Variants in RUNX1T1 observed in about 807,000 individuals in gnomAD.
RUNX1T1 encodes RUNX1 partner transcriptional co-repressor 1, also known as protein CBFA2T1.
In RUNX1T1, 4 loss-of-function variants were observed where a neutral mutation model predicts 62.8. That is an observed-to-expected ratio of 0.06 (90% confidence interval 0.03 to 0.15). RUNX1T1 has a LOEUF of 0.15. Among genes scored for constraint, RUNX1T1 ranks in the 10% least tolerant of loss-of-function variants. The probability of loss-of-function intolerance (pLI) is 1.00; values close to 1 mark genes in which losing one functional copy is unlikely to be tolerated. For missense variants in RUNX1T1, 508 were observed against 754.3 expected, an observed-to-expected ratio of 0.67 and a Z score of 3.82; for synonymous variants, 291 against 286.0, an observed-to-expected ratio of 1.02 and a Z score of -0.18.
At chr8:92,056,111 G>T (rs1226490696) in intron 1 of RUNX1T1, among the ~76,000 whole-genome samples, 1 of 152,166 alleles carries the variant, frequency 6.6e-6, no homozygotes, top group East Asian at 1.9e-4. Flanking sequence ...CTAATAACCT[G>T]AGAATCATTA....
intron 10 of RUNX1T1, 65 bp downstream of exon 11, chr8:91,970,593 G>A: frequency 2.2e-6 from 3 of 1,345,882 alleles, no homozygotes; most frequent in South Asian, 3.2e-5. Flanking sequence ...CACCTTGAAT[G>A]AAGAATGAGC....
At chr8:92,050,131 C>A (rs1488363004) in intron 1 of RUNX1T1, among the ~76,000 whole-genome samples, 1 of 151,878 alleles carries the variant, frequency 6.6e-6, no homozygotes, top group East Asian at 1.9e-4. Context: ...GACTGTTATT[C>A]GTAAAAGAAA....
intron 1 of RUNX1T1, among the ~76,000 whole-genome samples, chr8:92,077,277 A>G (rs1834568105): frequency 6.6e-6 from 1 of 152,128 alleles, no homozygotes. Flanking sequence ...TGCAGTAAGC[A>G]AAGATCATTA....
intron 5 of RUNX1T1, chr8:92,003,160 C>T: frequency 4.4e-6 from 1 of 229,328 alleles, no homozygotes; most frequent in South Asian, 5.9e-5. Flanking sequence ...AGACCAAAGA[C>T]TCTTTTTAGG....
chr8:92,018,476 A>G (rs933817559), intron 1 of RUNX1T1, among the ~76,000 whole-genome samples: 3 of 152,112 alleles, frequency 2.0e-5, no homozygotes, highest in Non-Finnish European at 4.4e-5. Context: ...CACGCACATG[A>G]ACACACACAC....
intron 1 of RUNX1T1, among the ~76,000 whole-genome samples, chr8:92,097,932 A>T (rs1837862100): frequency 6.6e-6 from 1 of 152,260 alleles, no homozygotes; most frequent in African/African-American, 2.4e-5. Flanking sequence ...ATAATCACAG[A>T]AGTGTAAAAC....
chr8:91,985,731 G>C lies in RUNX1T1; in HGVS notation c.1198+393C>G, dbSNP rs142684771. Among the ~76,000 whole-genome samples the C allele has an allele frequency of 7.7e-3, 1,169 of 152,304 alleles. 17 individuals carry two copies. The highest frequency in any genetic ancestry group is 0.026 in the African/African-American group (1,100 of 41,560). ...TGAAACATACATCCCCATGTGCAGT[G>C]ATAACATTGGTATGCAGTGGCAGAA... On this transcript the variant is annotated intron_variant, in intron 8 of 10. Transcript: ENST00000396218.
At chr8:91,958,276 A>G (rs934470472), downstream of RUNX1T1, 1 of 200,324 alleles carries the variant, frequency 5.0e-6, no homozygotes, top group Non-Finnish European at 1.0e-5. Context: ...CAAAACTAAC[A>G]AGTAGTTCTG....
At chr8:91,978,477 A>C (rs1814475252) in intron 8 of RUNX1T1, among the ~76,000 whole-genome samples, 1 of 152,088 alleles carries the variant, frequency 6.6e-6, no homozygotes, top group Non-Finnish European at 1.5e-5. Flanking sequence ...TTTCCTTTTA[A>C]AGTTTATCTT....
intron 1 of RUNX1T1, among the ~76,000 whole-genome samples, chr8:92,035,770 C>T (rs979716967): frequency 4.0e-5 from 6 of 148,978 alleles, no homozygotes; most frequent in Non-Finnish European, 6.0e-5. Context: ...GAAATATCTG[C>T]ATATATATAT....
At chr8:91,970,661 G>A (rs1427650041) in exon 10 of RUNX1T1, 15 of 1,599,124 alleles carry the variant, frequency 9.4e-6, no homozygotes, top group South Asian at 6.8e-5. Context: ...GCCTCACCTC[G>A]CTTGAATCCT....
chr8:91,958,612 TTTTA>T (rs1809718271), downstream of RUNX1T1: 1 of 182,704 alleles, frequency 5.5e-6, no homozygotes, highest in Admixed American at 6.3e-5. Flanking sequence ...TATTTTATTT[TTTTA>T]AAAAAGTCCC....
At chr8:92,032,915 C>T (rs1826525219) in intron 1 of RUNX1T1, among the ~76,000 whole-genome samples, 1 of 152,170 alleles carries the variant, frequency 6.6e-6, no homozygotes, top group East Asian at 1.9e-4. Flanking sequence ...AAAGTTTAAC[C>T]TCTCTAGTAT....
rs1381419518 is a variant in RUNX1T1, at chr8:92,075,950, T to C, written c.88+15A>G. On this transcript the variant is annotated intron_variant, in intron 2 of 11. Transcript: ENST00000265814. ...TAAGTAAATTGCAAAATCAAAATAT[T>C]TGTCTGTTCCTTACCTTGACAATAT... 1.3e-6 allele frequency: 2 copies of C among 1,590,924 alleles called. No individual in the cohort carries two copies. Among genetic ancestry groups the C allele is most frequent in the African/African-American group, 1.4e-5 (1 of 73,570 alleles).
intron 1 of RUNX1T1, among the ~76,000 whole-genome samples, chr8:92,044,958 C>T (rs902806892): frequency 6.6e-6 from 1 of 151,656 alleles, no homozygotes; most frequent in Non-Finnish European, 1.5e-5. Flanking sequence ...AGACCAGGTG[C>T]AGGGGCCTAA....
At chr8:91,987,311 A>T (rs1440819980) in intron 6 of RUNX1T1, among the ~76,000 whole-genome samples, 1 of 152,182 alleles carries the variant, frequency 6.6e-6, no homozygotes, top group Non-Finnish European at 1.5e-5. Flanking sequence ...AAGAAACCAC[A>T]AGTAGACATT....
intron 1 of RUNX1T1, among the ~76,000 whole-genome samples, chr8:92,027,981 T>C (rs1027280497): frequency 6.6e-6 from 1 of 150,798 alleles, no homozygotes; most frequent in Non-Finnish European, 1.5e-5. Flanking sequence ...TGAACAGAGA[T>C]TTTTCTCTGT....
chr8:92,093,210 C>A (rs1195515913), intron 1 of RUNX1T1, among the ~76,000 whole-genome samples: 1 of 152,080 alleles, frequency 6.6e-6, no homozygotes, highest in East Asian at 1.9e-4. Flanking sequence ...GCATCAGTTG[C>A]CTACTTGATG....
chr8:92,051,317 C>G (rs964553642), intron 1 of RUNX1T1, among the ~76,000 whole-genome samples: 2 of 151,992 alleles, frequency 1.3e-5, no homozygotes, highest in Non-Finnish European at 2.9e-5. Context: ...GGTACCAGCC[C>G]AACCCTCGAA....
Sources: allele counts gnomAD v4.1 joint callset (sites outside exome capture counted in the v4.1 genomes callset), GRCh38; gene constraint gnomAD v4.1.1; transcripts MANE v1.5; gene names NCBI Gene and HGNC (gene_info 2026-07-23, HGNC 2026-07-21).